The following C16orf96 variants were observed in gnomAD, a reference collection of about 807,000 sequenced individuals.
The protein encoded by C16orf96 is uncharacterized protein C16orf96.
A neutral mutation model predicts 103.6 loss-of-function variants in C16orf96; 108 were observed. The observed-to-expected ratio is 1.04, with a 90% CI of 0.89 to 1.22. C16orf96 has a LOEUF of 1.22. Ranked by LOEUF, C16orf96 falls within the 50% of genes most tolerant of loss-of-function variation. C16orf96 has a pLI of 0.00. For synonymous variants in C16orf96, 566 were observed against 593.5 expected, an observed-to-expected ratio of 0.95 and a Z score of 0.67; for missense variants, 1,586 against 1,464.2, an observed-to-expected ratio of 1.08 and a Z score of -1.36.
Position 4,597,188 on chromosome 16 carries a change from G to A in C16orf96, c.3128-2096G>A, listed in dbSNP as rs568660855. Among the ~76,000 whole-genome samples, 31 of 152,266 alleles carry A rather than the reference G, an allele frequency of 2.0e-4. No homozygotes were observed. The South Asian group carries it at 4.1e-3, about 20-fold the overall frequency. ...TGGCTTCTCCTCGAGAGGACTGGCCGTTCCAGCCCCTGCCCCCTGCCTGGT... is the reference window on the plus strand; with the variant it reads ...TGGCTTCTCCTCGAGAGGACTGGCCATTCCAGCCCCTGCCCCCTGCCTGGT... On this transcript the variant is annotated intron_variant, in intron 14 of 15. Transcript: ENST00000444310.
At chr16:4,563,757 C>CG (rs1285819852) in intron 1 of C16orf96, among the ~76,000 whole-genome samples, 1 of 151,118 alleles carries the variant, frequency 6.6e-6, no homozygotes, top group Admixed American at 6.6e-5. Flanking sequence ...TTAGTAGAGA[C>CG]GGGGTTTCAC....
At chr16:4,573,675 C>A (rs2059465583) in intron 2 of C16orf96, among the ~76,000 whole-genome samples, 1 of 148,088 alleles carries the variant, frequency 6.8e-6, no homozygotes, top group Non-Finnish European at 1.5e-5. Flanking sequence ...TGGTGTGAAC[C>A]TGGGAAGTGG....
Position 4,600,314 on chromosome 16 carries a change from G to A in C16orf96, c.3423G>A (p.Pro1141=), listed in dbSNP as rs188471823. 175 of 1,544,530 alleles carry A rather than the reference G, an allele frequency of 1.1e-4. 1 individual carries two copies. Among genetic ancestry groups the A allele is most frequent in the African/African-American group, 9.5e-4 (68 of 71,588 alleles). The change falls in exon 16 of 16, where the codon CCG becomes CCA. Residue 1141 remains proline, a synonymous_variant. Coordinates refer to ENST00000444310, the MANE Select transcript of C16orf96 (RefSeq NM_001145011.2). ...GRKPPEEPAN[P] is the part of the protein sequence containing the mutation. ...AGCCCCCCGAGGAGCCCGCCAACCC[G>A]TGAGCCCCACCCCGCTGCGCCCCCC...
Position 4,600,384 on chromosome 16 carries a change from C to G in C16orf96, c.*67C>G. 8.7e-7 allele frequency: 1 copy of G among 1,153,020 alleles called. No homozygotes were observed. The highest frequency in any genetic ancestry group is 2.6e-5 in the East Asian group (1 of 38,962). The allele number at this position is 1,153,020 out of a possible 1,614,324, so 71.4% of individuals were successfully genotyped here. On this transcript the variant is annotated 3_prime_UTR_variant, in exon 16 of 16. Transcript: ENST00000444310. Reference sequence around the variant, plus strand: ...GTCCGAGGCTGAGGCCCATGTGGCCCTCCCACTCCCACCAAGTCCCCTCCA... The same window carrying G: ...GTCCGAGGCTGAGGCCCATGTGGCCGTCCCACTCCCACCAAGTCCCCTCCA...
upstream of C16orf96, among the ~76,000 whole-genome samples, chr16:4,551,404 G>A (rs149427578): frequency 5.7e-3 from 860 of 152,156 alleles, 12 homozygotes; most frequent in African/African-American, 0.02. Flanking sequence ...ATAACCACTC[G>A]CCTCACCTCC....
At chr16:4,546,785 GAC>G in the C16orf96 span, among the ~76,000 whole-genome samples, 6 of 151,954 alleles carry the variant, frequency 3.9e-5, no homozygotes, top group Non-Finnish European at 7.4e-5. Flanking sequence ...GGTTTTCTTT[GAC>G]ACAACCAAAT....
the C16orf96 span, among the ~76,000 whole-genome samples, chr16:4,544,261 G>T: frequency 1.3e-5 from 2 of 152,150 alleles, no homozygotes; most frequent in Non-Finnish European, 2.9e-5. Context: ...TAGTGAGCTG[G>T]AACTGGGTTC....
rs1281612234 is a variant in C16orf96 at position 4,576,356 on chromosome 16, G to A, written c.1876G>A (p.Ala626Thr). 5 of 1,550,774 alleles carry A rather than the reference G, an allele frequency of 3.2e-6. No homozygotes were observed. Among genetic ancestry groups the A allele is most frequent in the Non-Finnish European group, 4.4e-6 (5 of 1,147,002 alleles). Reference sequence around the variant, plus strand: ...AGGGGTCTTTGCAGATGTCCTGGGTGCAGGGCCTTCCCGGGGAGCCACAGA... The same window carrying A: ...AGGGGTCTTTGCAGATGTCCTGGGTACAGGGCCTTCCCGGGGAGCCACAGA... ...PLGVFADVLG[A>T]GPSRGATESQ... The change falls in exon 5 of 16, where the codon GCA (alanine) becomes ACA (threonine). Residue 626 changes from alanine to threonine, a missense_variant. Physicochemically the swap from Ala to Thr is moderately conservative, Grantham distance 58. Coordinates refer to ENST00000444310, the MANE Select transcript of C16orf96 (RefSeq NM_001145011.2).
chr16:4,557,672 A>G (rs2059280647), intron 1 of C16orf96, among the ~76,000 whole-genome samples: 2 of 151,740 alleles, frequency 1.3e-5, no homozygotes, highest in Admixed American at 1.3e-4. Context: ...TGTGAATTTC[A>G]CCCCAATTTT....
the C16orf96 span, among the ~76,000 whole-genome samples, chr16:4,545,027 C>T: frequency 6.6e-6 from 1 of 152,182 alleles, no homozygotes; most frequent in Non-Finnish European, 1.5e-5. Flanking sequence ...AGCAGGTATT[C>T]ATATCATAGC....
At chr16:4,547,685 CTTCCTTCTTTCTTTCT>C in the C16orf96 span, among the ~76,000 whole-genome samples, 5,285 of 107,616 alleles carry the variant, frequency 0.049, 153 homozygotes, top group East Asian at 0.063. Context: ...TCCTTCCTTC[CTTCCTTCTTTCTTTCT>C]TTCTTTCTTT....
Position 4,571,616 on chromosome 16 carries a change from T to A in C16orf96, c.476T>A (p.Ile159Asn), listed in dbSNP as rs553232591. ...LTDLHALQVT[I>N]TALRKEVDML... ...GATCTTCATGCACTCCAGGTCACCA[T>A]CACAGCCCTCAGAAAAGAAGTGGAC... Residue 159 changes from isoleucine to asparagine, a missense_variant, in exon 2 of 16, where the codon ATC (isoleucine) becomes AAC (asparagine). Coordinates refer to ENST00000444310, the MANE Select transcript of C16orf96 (RefSeq NM_001145011.2). 6.4e-7 allele frequency: 1 copy of A among 1,552,268 alleles called. No individual in the cohort carries two copies. Among genetic ancestry groups the A allele is most frequent in the Admixed American group, 2.0e-5 (1 of 50,996 alleles).
chr16:4,562,601 T>TGGGC (rs2141696894), intron 1 of C16orf96, among the ~76,000 whole-genome samples: 1 of 152,288 alleles, frequency 6.6e-6, no homozygotes, highest in South Asian at 2.1e-4. Context: ...CACTAGGTGG[T>TGGGC]GGGCACACAA....
Position 4,556,587 on chromosome 16 carries a change from T to C in C16orf96, c.98T>C (p.Ile33Thr), listed in dbSNP as rs2059264741. 1 of 1,551,594 alleles carries C rather than the reference T, an allele frequency of 6.4e-7. No individual in the cohort carries two copies. Among genetic ancestry groups the C allele is most frequent in the Admixed American group, 2.0e-5 (1 of 50,988 alleles). ...GCCCTGCACCTCCTGCTGCACGGCATCTTGGAGCACATCCACATGGCCGAG... is the reference window on the plus strand; with the variant it reads ...GCCCTGCACCTCCTGCTGCACGGCACCTTGGAGCACATCCACATGGCCGAG... ...FKALHLLLHG[I>T]LEHIHMAELK... The change falls in exon 1 of 16, where the codon ATC becomes ACC. Residue 33 changes from isoleucine to threonine, a missense_variant. By Grantham distance (89) the Ile-to-Thr change is moderately conservative. Coordinates refer to ENST00000444310, the MANE Select transcript of C16orf96 (RefSeq NM_001145011.2).
chr16:4,575,983 TAGAG>T lies in C16orf96; in HGVS notation c.1504_1507del (p.Arg502LeufsTer62). On this transcript the variant is annotated frameshift_variant, in exon 5 of 16. Coordinates refer to ENST00000444310, the MANE Select transcript of C16orf96 (RefSeq NM_001145011.2). LOFTEE classifies it high-confidence loss of function. ...GTGGCAAGGATGTGGACCCCAAGGA[TAGAG>T]CTCACAAGGATGATGTCCCCAAAGA... is the stretch of plus-strand genomic sequence containing the variant. 3 of 1,549,834 alleles carry T rather than the reference TAGAG, an allele frequency of 1.9e-6. No individual in the cohort carries two copies. The highest frequency in any genetic ancestry group is 2.6e-6 in the Non-Finnish European group (3 of 1,146,164).
chr16:4,571,803 T>C (rs2059441786), intron 2 of C16orf96, 138 bp downstream of exon 2: 2 of 680,052 alleles, frequency 2.9e-6, no homozygotes, highest in South Asian at 2.0e-5. Context: ...GACCCTCCAA[T>C]TGGCCAGTGC....
Position 4,571,670 on chromosome 16 carries a change from G to C in C16orf96, c.525+5G>C. Reference sequence around the variant, plus strand: ...CTGAAGAACATGCTTGACAAGGTAGGCCCTCCCCCAGCATCCTCCATGCCA... The same window carrying C: ...CTGAAGAACATGCTTGACAAGGTAGCCCCTCCCCCAGCATCCTCCATGCCA... On this transcript the variant is annotated splice_donor_5th_base_variant and intron_variant, in intron 2 of 15. Coordinates refer to ENST00000444310, the MANE Select transcript of C16orf96 (RefSeq NM_001145011.2). The C allele has an allele frequency of 6.4e-7, 1 of 1,550,642 alleles. No individual in the cohort carries two copies.
At chr16:4,550,539 T>C in the C16orf96 span, among the ~76,000 whole-genome samples, 1 of 152,218 alleles carries the variant, frequency 6.6e-6, no homozygotes, top group African/African-American at 2.4e-5. Flanking sequence ...CAAAATCATG[T>C]ACTCATTTTG....
At chr16:4,592,438 C>T in intron 11 of C16orf96, 71 bp downstream of exon 11, 1 of 1,492,364 alleles carries the variant, frequency 6.7e-7, no homozygotes, top group Admixed American at 2.0e-5. Flanking sequence ...CTCCGTGCAC[C>T]TCCATGTGCA....
Sources: allele counts gnomAD v4.1 joint callset (sites outside exome capture counted in the v4.1 genomes callset), GRCh38; gene constraint gnomAD v4.1.1; transcripts MANE v1.5; gene names NCBI Gene and HGNC (gene_info 2026-07-23, HGNC 2026-07-21).